Variants in DNAH17 observed in about 807,000 individuals in gnomAD.
The protein encoded by DNAH17 is dynein axonemal heavy chain 17, also known as axonemal beta dynein heavy chain 17.
In DNAH17, 376 loss-of-function variants were observed where a neutral mutation model predicts 485.6. The observed-to-expected ratio is 0.77, with a 90% CI of 0.71 to 0.84. The LOEUF (loss-of-function observed/expected upper bound fraction) is 0.84. Among genes scored for constraint, DNAH17 ranks in the 40% least tolerant of loss-of-function variants. The pLI is 0.00. For synonymous variants in DNAH17, 3,031 were observed against 2,405.9 expected (o/e 1.26, Z -7.60); for missense variants, 6,370 against 5,839.3 (o/e 1.09, Z -2.96).
In DNAH17 at chr17:78,426,831, CG is replaced by C. The variant is rs1280376781; in HGVS notation, c.12771+94del. The C allele has an allele frequency of 4.8e-6, 7 of 1,448,816 alleles. No homozygotes were observed. The African/African-American group carries it at 9.9e-5, about 20-fold the overall frequency. The allele number at this position is 1,448,816 out of a possible 1,614,324, so 89.7% of individuals were successfully genotyped here. The stretch of plus-strand genomic sequence containing the variant: ...GAGAGGGAGCAGTACCATGCTGATC[CG>C]GGGCCTGTGCTAGGCCTGGGTTGCC... On this transcript the variant is annotated intron_variant, in intron 78 of 80. Coordinates refer to ENST00000389840, the MANE Select transcript of DNAH17 (RefSeq NM_173628.4).
chr17:78,430,513 A>G (rs758287606), intron 75 of DNAH17, among the ~76,000 whole-genome samples: 2 of 152,342 alleles, frequency 1.3e-5, no homozygotes, highest in East Asian at 1.9e-4. Context: ...AGTTCATTGA[A>G]TAAGAATCAG....
At chr17:78,567,210 A>C (rs938292055) in intron 9 of DNAH17, 44 bp from the exon 10 acceptor site, 2 of 1,552,718 alleles carry the variant, frequency 1.3e-6, no homozygotes, top group Non-Finnish European at 1.7e-6. Context: ...TCACAACCCA[A>C]CTCACGGGTC....
chr17:78,566,950 G>T, intron 10 of DNAH17, 49 bp downstream of exon 10: 1 of 1,569,650 alleles, frequency 6.4e-7, no homozygotes, highest in Non-Finnish European at 8.6e-7. Context: ...ACCGAGGCTG[G>T]TGCTGTTCTC....
At chr17:78,521,235 A>G (rs966115809) in intron 25 of DNAH17, among the ~76,000 whole-genome samples, 1 of 152,086 alleles carries the variant, frequency 6.6e-6, no homozygotes, top group African/African-American at 2.4e-5. Flanking sequence ...GCGAAACCCC[A>G]TCTCTACTGA....
At chr17:78,481,087 G>A (rs1387784576) in intron 48 of DNAH17, among the ~76,000 whole-genome samples, 3 of 123,338 alleles carry the variant, frequency 2.4e-5, no homozygotes, top group Non-Finnish European at 5.0e-5. Flanking sequence ...GAGCCACCAC[G>A]CCCGCCCCCC....
At chr17:78,514,677 G>T in intron 26 of DNAH17, 97 bp downstream of exon 26, 3 of 1,475,008 alleles carry the variant, frequency 2.0e-6, no homozygotes, top group Non-Finnish European at 1.8e-6. Flanking sequence ...CCAGCATCGG[G>T]CCCTGAACAC....
intron 48 of DNAH17, among the ~76,000 whole-genome samples, chr17:78,483,887 A>G (rs2089462438): frequency 6.6e-6 from 1 of 152,092 alleles, no homozygotes; most frequent in Non-Finnish European, 1.5e-5. Context: ...ACCTGAGGTC[A>G]GGAGTTCGAG....
chr17:78,482,095 C>T (rs1047254402), intron 48 of DNAH17, among the ~76,000 whole-genome samples: 5 of 133,136 alleles, frequency 3.8e-5, no homozygotes, highest in Non-Finnish European at 6.3e-5. Flanking sequence ...TTTTTTCCCC[C>T]GAGACAGGGT....
At chr17:78,467,280 G>A (rs1485217770) in intron 55 of DNAH17, among the ~76,000 whole-genome samples, 3 of 152,232 alleles carry the variant, frequency 2.0e-5, no homozygotes, top group Non-Finnish European at 4.4e-5. Flanking sequence ...TCTCTGGCTA[G>A]ATAAGGACCT....
intron 75 of DNAH17, among the ~76,000 whole-genome samples, chr17:78,430,264 T>C (rs146686692): frequency 0.01 from 1,562 of 152,272 alleles, 13 homozygotes; most frequent in Admixed American, 0.027. Context: ...CATTTTAAAT[T>C]TTGTGGCAGC....
chr17:78,469,464 C>G (rs962863550), intron 54 of DNAH17, among the ~76,000 whole-genome samples: 1 of 152,122 alleles, frequency 6.6e-6, no homozygotes, highest in Non-Finnish European at 1.5e-5. Flanking sequence ...TTCTAAGAAA[C>G]ACAGGCCAGG....
At chr17:78,558,867 C>A (rs2092089859) in intron 13 of DNAH17, among the ~76,000 whole-genome samples, 1 of 152,214 alleles carries the variant, frequency 6.6e-6, no homozygotes, top group Non-Finnish European at 1.5e-5. Context: ...GTTGAGATAA[C>A]CTCCATATTG....
rs534483320 is a variant in DNAH17, at chr17:78,537,393, C to T, written c.2765G>A (p.Arg922His). Residue 922 changes from arginine (R) to histidine (H), a missense_variant, in exon 19 of 81, where the codon CGC becomes CAC. Arg to His is a conservative substitution (Grantham distance 29, BLOSUM62 0). Transcript: ENST00000389840. ...GCCCTCGATCAGTGCCAGGAAGCCG[C>T]GATCTGAGCCCACCTCCAGGGTCGG... ...FNPTLEVGSD[R>H]GFLALIEGLV... 79 of 1,613,084 alleles carry T rather than the reference C, an allele frequency of 4.9e-5. No homozygotes were observed. Among genetic ancestry groups the T allele is most frequent in the South Asian group, 3.5e-4 (32 of 90,942 alleles).
Position 78,447,371 on chromosome 17 carries a change from G to C in DNAH17, c.11212-1691C>G, listed in dbSNP as rs570761046. Among the ~76,000 whole-genome samples the C allele has an allele frequency of 3.9e-5, 6 of 152,260 alleles. No homozygotes were observed. The South Asian group carries it at 1.2e-3, about 32-fold the overall frequency. On this transcript the variant is annotated intron_variant, in intron 69 of 80. Coordinates refer to ENST00000389840, the MANE Select transcript of DNAH17 (RefSeq NM_173628.4). Reference sequence around the variant, plus strand: ...GGGTCATATTCCATGCCATCTTGTCGCTTGTGCATGCCGGCCCTCTGGACC... The same window carrying C: ...GGGTCATATTCCATGCCATCTTGTCCCTTGTGCATGCCGGCCCTCTGGACC...
At chr17:78,460,332 G>GTGCATGTGTC (rs1480051646) in intron 58 of DNAH17, 75 bp from the exon 59 acceptor site, 1 of 833,050 alleles carries the variant, frequency 1.2e-6, no homozygotes, top group Non-Finnish European at 1.9e-6. Context: ...GTGCATGTGT[G>GTGCATGTGTC]TGCATGTGTG....
At chr17:78,471,082 T>C (rs953647186) in intron 54 of DNAH17, among the ~76,000 whole-genome samples, 44 of 152,242 alleles carry the variant, frequency 2.9e-4, no homozygotes, top group African/African-American at 1.0e-3. Context: ...ATCTATAATA[T>C]TTAATTTAAA....
chr17:78,436,157 T>A (rs935378432), intron 74 of DNAH17, among the ~76,000 whole-genome samples: 1 of 152,230 alleles, frequency 6.6e-6, no homozygotes, highest in South Asian at 2.1e-4. Flanking sequence ...CCGGGCGTGG[T>A]GGCTCACGCC....
rs640292 is a variant in DNAH17 at position 78,461,828 on chromosome 17, G to C, written c.9175-120C>G. Reference sequence around the variant, plus strand: ...GCAGAACGGCAGGGCCGTGTCTTACGACTCCCAGTGACTCGTTTTGGAGAG... The same window carrying C: ...GCAGAACGGCAGGGCCGTGTCTTACCACTCCCAGTGACTCGTTTTGGAGAG... On this transcript the variant is annotated intron_variant, in intron 57 of 80. Transcript: ENST00000389840. 639,020 of 905,682 alleles carry C rather than the reference G, an allele frequency of 0.71. 228,073 individuals carry two copies. Among genetic ancestry groups the C allele is most frequent in the Non-Finnish European group, 0.74 (460,283 of 619,396 alleles). 56.1% of individuals were successfully genotyped at this position (905,682 alleles called of 1,614,324 possible). A position where few individuals can be genotyped will look rare whatever the true frequency, so the allele number is the denominator to read the frequency against.
chr17:78,484,831 G>C (rs1219417190), intron 48 of DNAH17, 37 bp downstream of exon 48: 1 of 1,361,630 alleles, frequency 7.3e-7, no homozygotes, highest in African/African-American at 1.5e-5. Flanking sequence ...CACCGCCCCG[G>C]GGCCACGCCT....
Sources: allele counts gnomAD v4.1 joint callset (sites outside exome capture counted in the v4.1 genomes callset), GRCh38; gene constraint gnomAD v4.1.1; transcripts MANE v1.5; gene names NCBI Gene and HGNC (gene_info 2026-07-23, HGNC 2026-07-21).